DAB1: variants seen among roughly 807,000 people sequenced by gnomAD.
DAB1 encodes disabled homolog 1.
Under a neutral mutation model 64.6 loss-of-function variants are expected in DAB1, and 15 were observed. That is an observed-to-expected ratio of 0.23 (90% CI 0.16 to 0.36). The LOEUF is 0.36. DAB1 is among the 10% of genes least tolerant of loss of function. The pLI is 1.00. For missense variants in DAB1, 596 were observed against 706.7 expected (o/e 0.84, Z 1.78); for synonymous variants, 235 against 251.9 (o/e 0.93, Z 0.64).
chr1:57,589,220 C>T (rs1329859640), intron 7 of DAB1, among the ~76,000 whole-genome samples: 1 of 151,372 alleles, frequency 6.6e-6, no homozygotes, highest in Admixed American at 6.6e-5. Flanking sequence ...AACTCCATCT[C>T]AAAAAACAAA....
rs1339382401 is a variant in DAB1 at position 57,010,725 on chromosome 1, ACCACTGGGCTCC to A, written c.1626_1637del (p.Glu543_Gly546del). Reference sequence around the variant, plus strand: ...TACCGGCCTGTGGACTTATATTATCACCACTGGGCTCCCCACTGGGCTCACCAAATGGATCAC... The same window carrying A: ...TACCGGCCTGTGGACTTATATTATCACCACTGGGCTCACCAAATGGATCAC... On this transcript the variant is annotated inframe_deletion, in exon 14 of 15. Coordinates refer to ENST00000371236, the MANE Select transcript of DAB1 (RefSeq NM_001365792.1). 5 of 1,591,442 alleles carry A rather than the reference ACCACTGGGCTCC, an allele frequency of 3.1e-6. 1 individual carries two copies. The highest frequency in any genetic ancestry group is 2.3e-5 in the South Asian group (2 of 88,052).
At chr1:58,126,289 C>T (rs1024478992) in intron 5 of DAB1, among the ~76,000 whole-genome samples, 7 of 152,228 alleles carry the variant, frequency 4.6e-5, no homozygotes, top group Non-Finnish European at 7.4e-5. Flanking sequence ...CAATACTTCT[C>T]GGCCTCCTGA....
intron 7 of DAB1, among the ~76,000 whole-genome samples, chr1:57,453,556 C>G (rs1325971432): frequency 2.0e-5 from 3 of 152,112 alleles, no homozygotes; most frequent in Non-Finnish European, 4.4e-5. Context: ...AATAAATACT[C>G]CTAACTACAG....
intron 9 of DAB1, among the ~76,000 whole-genome samples, chr1:57,036,486 CA>C (rs1215529435): frequency 1.3e-5 from 2 of 152,154 alleles, no homozygotes. Flanking sequence ...GAGATGCTGC[CA>C]GCTAATAAAT....
intron 2 of DAB1, among the ~76,000 whole-genome samples, chr1:57,193,033 G>A (rs76680733): frequency 0.018 from 2,671 of 152,134 alleles, 43 homozygotes; most frequent in Middle Eastern, 0.027. Flanking sequence ...AACAACATAC[G>A]TATTACCTCT....
At position 58,523,666 on chromosome 1, in the gene DAB1, A is replaced by G. The variant is rs1458255147; in HGVS notation, n.107+3595T>C. Among the ~76,000 whole-genome samples, 6 of 152,244 alleles carry G rather than the reference A, an allele frequency of 3.9e-5. No homozygotes were observed. In the South Asian group the frequency reaches 6.2e-4, roughly 16 times the overall value. ...TGTAATCCCAGCACTTTGGGAGGCC[A>G]AGGAGGGCGGATCACGAGGTCAGGA... On this transcript the variant is annotated intron_variant and non_coding_transcript_variant, in intron 2 of 20. Transcript: ENST00000485760.
chr1:57,730,456 G>A lies in DAB1; in HGVS notation n.552-80791C>T, dbSNP rs79814122. 4.2e-3 allele frequency among the ~76,000 whole-genome samples: 635 copies of A among 152,332 alleles called. 4 individuals carry two copies. The highest frequency in any genetic ancestry group is 0.014 in the African/African-American group (591 of 41,574). On this transcript the variant is annotated intron_variant and non_coding_transcript_variant, in intron 6 of 20. Coordinates refer to the DAB1 transcript ENST00000485760. ...GAAGATGTGTTCAACTAGTCAGAGCGAAGAGGGCAAGAGAACTCTTCCTTT... is the reference window on the plus strand; with the variant it reads ...GAAGATGTGTTCAACTAGTCAGAGCAAAGAGGGCAAGAGAACTCTTCCTTT...
intron 3 of DAB1, among the ~76,000 whole-genome samples, chr1:58,437,143 G>A (rs1379668584): frequency 2.6e-5 from 4 of 152,146 alleles, no homozygotes; most frequent in African/African-American, 9.7e-5. Flanking sequence ...GAGAATAGTT[G>A]TCAAATGTGA....
chr1:57,928,092 A>G (rs946443198), intron 5 of DAB1, among the ~76,000 whole-genome samples: 10 of 152,194 alleles, frequency 6.6e-5, no homozygotes, highest in Admixed American at 3.3e-4. Flanking sequence ...AAAGTTATAT[A>G]CAATGAAATG....
intron 4 of DAB1, among the ~76,000 whole-genome samples, chr1:58,311,391 T>C (rs998121911): frequency 9.8e-6 from 1 of 101,834 alleles, no homozygotes; most frequent in African/African-American, 4.8e-5. Flanking sequence ...TTCCATTCCT[T>C]GGGCTCCTAA....
At chr1:58,209,276 T>C (rs1658434252) in intron 4 of DAB1, among the ~76,000 whole-genome samples, 1 of 152,174 alleles carries the variant, frequency 6.6e-6, no homozygotes, top group South Asian at 2.1e-4. Context: ...TAAGCTTCCT[T>C]CCATTTCAAA....
chr1:58,402,610 C>A (rs1379396854), intron 3 of DAB1, among the ~76,000 whole-genome samples: 1 of 148,184 alleles, frequency 6.7e-6, no homozygotes, highest in Non-Finnish European at 1.5e-5. Context: ...AATAGTTGTT[C>A]AATGAATAAT....
intron 1 of DAB1, among the ~76,000 whole-genome samples, chr1:57,299,346 T>A (rs1673447709): frequency 6.6e-6 from 1 of 152,158 alleles, no homozygotes; most frequent in African/African-American, 2.4e-5. Context: ...AAAAATAAAA[T>A]GCTATGTTCC....
intron 1 of DAB1, among the ~76,000 whole-genome samples, chr1:57,309,027 C>T (rs1473009595): frequency 3.3e-5 from 5 of 152,160 alleles, no homozygotes; most frequent in Admixed American, 1.3e-4. Context: ...AATTCGTAAA[C>T]GTTCTTAAAA....
chr1:58,436,922 C>A (rs953896694), intron 3 of DAB1, among the ~76,000 whole-genome samples: 6 of 152,208 alleles, frequency 3.9e-5, no homozygotes, highest in African/African-American at 1.2e-4. Flanking sequence ...CTCAAGCAGT[C>A]ACCAGTTCCT....
intron 7 of DAB1, among the ~76,000 whole-genome samples, chr1:57,564,796 A>G (rs1407443490): frequency 1.3e-5 from 2 of 152,220 alleles, no homozygotes; most frequent in Non-Finnish European, 2.9e-5. Flanking sequence ...ATCTACGTCC[A>G]ACTGGTGTAC....
At chr1:57,861,975 C>T (rs1452481448) in intron 1 of DAB1, among the ~76,000 whole-genome samples, 2 of 152,052 alleles carry the variant, frequency 1.3e-5, no homozygotes, top group African/African-American at 4.8e-5. Flanking sequence ...CTTAAATGCT[C>T]CTTGTGATGG....
chr1:57,548,637 A>G (rs1644881358), intron 7 of DAB1, among the ~76,000 whole-genome samples: 4 of 152,222 alleles, frequency 2.6e-5, no homozygotes, highest in Non-Finnish European at 5.9e-5. Context: ...CCTGAAAAGA[A>G]TAGCACACAA....
At chr1:58,218,267 C>G (rs1295750197) in intron 4 of DAB1, among the ~76,000 whole-genome samples, 1 of 152,088 alleles carries the variant, frequency 6.6e-6, no homozygotes, top group Non-Finnish European at 1.5e-5. Flanking sequence ...GTTTAGGAGT[C>G]CAACTCCTGG....
Sources: allele counts gnomAD v4.1 joint callset (sites outside exome capture counted in the v4.1 genomes callset), GRCh38; gene constraint gnomAD v4.1.1; transcripts MANE v1.5; gene names NCBI Gene and HGNC (gene_info 2026-07-23, HGNC 2026-07-21).